NISCH: variants seen among roughly 807,000 people sequenced by gnomAD.
NISCH encodes I-1 receptor candidate protein.
A neutral mutation model predicts 138.4 loss-of-function variants in NISCH; 55 were observed. That is an observed-to-expected ratio of 0.40 (90% CI 0.32 to 0.50). The LOEUF (loss-of-function observed/expected upper bound fraction) is 0.50, where lower values mean the gene tolerates loss of function less well. Among genes scored for constraint, NISCH ranks in the 20% least tolerant of loss-of-function variants. NISCH has a pLI of 0.71. For synonymous variants in NISCH, 860 were observed against 861.5 expected, an observed-to-expected ratio of 1.00 and a Z score of 0.03; for missense variants, 1,643 against 2,005.5, an observed-to-expected ratio of 0.82 and a Z score of 3.45.
At chr3:52,484,462 T>TGGGCCGCC in intron 13 of NISCH, 51 bp from the exon 14 acceptor site, 1 of 788,670 alleles carries the variant, frequency 1.3e-6, no homozygotes, top group Non-Finnish European at 1.8e-6. Context: ...ACAGCCGCTC[T>TGGGCCGCC]CCCCGCCCCA....
chr3:52,484,462 T>TTGGGCGC, intron 13 of NISCH, 51 bp from the exon 14 acceptor site: 18 of 788,664 alleles, frequency 2.3e-5, no homozygotes, highest in African/African-American at 3.6e-5. Flanking sequence ...ACAGCCGCTC[T>TTGGGCGC]CCCCGCCCCA....
At chr3:52,480,656 A>G (rs1707246029) in intron 13 of NISCH, 9 of 1,423,088 alleles carry the variant, frequency 6.3e-6, no homozygotes, top group African/African-American at 1.4e-5. Flanking sequence ...TCCTGGTTAC[A>G]GGAAGCCGGG....
rs139671304 is a variant in NISCH at position 52,487,580 on chromosome 3, G to T, written c.2088G>T (p.Ala696=). 3 of 1,612,966 alleles carry T rather than the reference G, an allele frequency of 1.9e-6. No homozygotes were observed. The highest frequency in any genetic ancestry group is 3.3e-5 in the Admixed American group (2 of 59,980). Residue 696 remains alanine (A), a synonymous_variant, in exon 16 of 21, where the codon GCG becomes GCT. Coordinates refer to ENST00000345716, the MANE Select transcript of NISCH (RefSeq NM_007184.4). This position sits in a 1 kb window ranked among gnomAD's most constrained non-coding sequence, Gnocchi z 9.1. Reference sequence around the variant, plus strand: ...TGGCTCTGGAATGGGCCCTGGGCGCGGACGAGGACTTCCTGCTGGAGCACA... The same window carrying T: ...TGGCTCTGGAATGGGCCCTGGGCGCTGACGAGGACTTCCTGCTGGAGCACA... ...ERLALEWALG[A]DEDFLLEHIR...
intron 15 of NISCH, among the ~76,000 whole-genome samples, chr3:52,486,926 G>A (rs1707415159): frequency 6.6e-6 from 1 of 152,210 alleles, no homozygotes; most frequent in Non-Finnish European, 1.5e-5. Flanking sequence ...GGGAACTCGT[G>A]TGGTCTGGGC....
At chr3:52,488,718 C>T in intron 16 of NISCH, 113 bp downstream of exon 16, 1 of 866,310 alleles carries the variant, frequency 1.2e-6, no homozygotes, top group East Asian at 2.7e-5. Context: ...TGGGCCCCCT[C>T]CCCCCCTGCC....
chr3:52,473,534 C>T (rs1275006130), intron 6 of NISCH, among the ~76,000 whole-genome samples, 200 bp from the exon 7 acceptor site: 1 of 152,208 alleles, frequency 6.6e-6, no homozygotes, highest in Admixed American at 6.5e-5. Flanking sequence ...AGGCACCTTT[C>T]TTACTAGATA....
rs145038162 is a variant in NISCH at position 52,461,998 on chromosome 3, C to A, written c.360+3154C>A. 3.5e-3 allele frequency among the ~76,000 whole-genome samples: 532 copies of A among 152,262 alleles called. 4 individuals carry two copies. The highest frequency in any genetic ancestry group is 0.019 in the South Asian group (91 of 4,826). ...ATGCCTTTGAGGAGAGGAGGTCTCG[C>A]TGGCTGCCTCACGTGTGCCTGGCTC... On this transcript the variant is annotated intron_variant, in intron 3 of 20. Transcript: ENST00000345716.
chr3:52,482,557 G>A (rs1707304953), intron 13 of NISCH, among the ~76,000 whole-genome samples: 2 of 152,312 alleles, frequency 1.3e-5, no homozygotes, highest in South Asian at 4.1e-4. Flanking sequence ...TCTCAACTGT[G>A]AAGTGGACGC....
At chr3:52,491,074 G>A (rs1430280365) in intron 19 of NISCH, among the ~76,000 whole-genome samples, 1 of 152,258 alleles carries the variant, frequency 6.6e-6, no homozygotes, top group Admixed American at 6.5e-5. Context: ...AGCAGAGTGG[G>A]CCCTGGTCTC....
intron 4 of NISCH, 152 bp from the exon 5 acceptor site, chr3:52,471,662 G>T: frequency 1.2e-6 from 1 of 808,492 alleles, no homozygotes; most frequent in East Asian, 2.6e-5. Context: ...GCACCCAGGA[G>T]GGCAGCAGCT....
intron 13 of NISCH, chr3:52,481,272 A>G: frequency 9.5e-7 from 1 of 1,056,762 alleles, no homozygotes; most frequent in Non-Finnish European, 1.1e-6. Context: ...CAGCAGGGAC[A>G]GGAAGACTGG....
rs201162297 is a variant in NISCH, at chr3:52,471,850, T to C, written c.446T>C (p.Ile149Thr). The change falls in exon 5 of 21, where the codon ATT becomes ACT. Residue 149 changes from isoleucine to threonine, a missense_variant. Coordinates refer to ENST00000345716, the MANE Select transcript of NISCH (RefSeq NM_007184.4). The stretch of plus-strand genomic sequence containing the variant: ...CTGGGGGCCGGCGAGGTCTTTGCCA[T>C]TGGACCCCTGCAGCTGTATGCCGTC... ...QLLGAGEVFAIGPLQLYAVTE... is the reference protein window; with the variant it reads ...QLLGAGEVFATGPLQLYAVTE... 7 of 1,613,942 alleles carry C rather than the reference T, an allele frequency of 4.3e-6. No homozygotes were observed. Among genetic ancestry groups the C allele is most frequent in the South Asian group, 3.3e-5 (3 of 91,082 alleles).
rs143992789 is a variant in NISCH at position 52,484,708 on chromosome 3, G to A, written c.1653+71G>A. The A allele has an allele frequency of 3.5e-4, 549 of 1,578,116 alleles. 2 individuals carry two copies. The African/African-American group carries it at 6.4e-3, about 18-fold the overall frequency. The stretch of plus-strand genomic sequence containing the variant: ...ACTCTTCTGCTTGGGGTTGTGTGCA[G>A]TAGGAAGTGGCCTAGCTGGAGCTGA... On this transcript the variant is annotated intron_variant, in intron 14 of 20. Coordinates refer to ENST00000345716, the MANE Select transcript of NISCH (RefSeq NM_007184.4).
chr3:52,485,295 C>G (rs1423385485), intron 14 of NISCH, among the ~76,000 whole-genome samples: 3 of 152,238 alleles, frequency 2.0e-5, no homozygotes, highest in Non-Finnish European at 4.4e-5. Context: ...GAGTCCTTGT[C>G]TGTCCTCAGT....
intron 13 of NISCH, 51 bp from the exon 14 acceptor site, chr3:52,484,462 T>TTGGGGCGCCCC: frequency 3.8e-6 from 3 of 788,670 alleles, no homozygotes; most frequent in Non-Finnish European, 5.5e-6. Context: ...ACAGCCGCTC[T>TTGGGGCGCCCC]CCCCGCCCCA....
At chr3:52,485,636 G>T in intron 14 of NISCH, 142 bp from the exon 15 acceptor site, 1 of 869,564 alleles carries the variant, frequency 1.2e-6, no homozygotes, top group Non-Finnish European at 1.8e-6. Flanking sequence ...CCCAGAGTGG[G>T]CTCCAGGGTA....
In NISCH at chr3:52,491,322, T is replaced by C. The variant is rs558782783; in HGVS notation, c.3743-30T>C. On this transcript the variant is annotated intron_variant, in intron 19 of 20. Transcript: ENST00000345716. ...GGGATAGGGCTGGGGAGCGCCGGCCTGTGGCCCTGACCAGCCCCTTCTCGT... is the reference window on the plus strand; with the variant it reads ...GGGATAGGGCTGGGGAGCGCCGGCCCGTGGCCCTGACCAGCCCCTTCTCGT... 8.8e-6 allele frequency: 14 copies of C among 1,594,820 alleles called. 1 individual carries two copies. The South Asian group carries it at 1.6e-4, about 18-fold the overall frequency.
intron 12 of NISCH, 87 bp downstream of exon 12, chr3:52,479,949 T>C (rs374753219): frequency 3.5e-6 from 4 of 1,156,208 alleles, no homozygotes; most frequent in Non-Finnish European, 3.8e-6. Context: ...ATGGGACTGC[T>C]CAGGGCTGCC....
intron 3 of NISCH, among the ~76,000 whole-genome samples, chr3:52,469,921 GAAAA>G (rs985292106): frequency 1.2e-5 from 1 of 85,518 alleles, no homozygotes; most frequent in Non-Finnish European, 2.6e-5. Flanking sequence ...TCTCAAAAAA[GAAAA>G]AAAAAAAAAA....
Sources: allele counts gnomAD v4.1 joint callset (sites outside exome capture counted in the v4.1 genomes callset), GRCh38; gene constraint gnomAD v4.1.1; non-coding constraint Gnocchi (gnomAD v3.1); transcripts MANE v1.5; gene names NCBI Gene and HGNC (gene_info 2026-07-23, HGNC 2026-07-21).